NTM: variants seen among roughly 807,000 people sequenced by gnomAD.
NTM encodes neurotrimin.
In NTM, 13 loss-of-function variants were observed where a neutral mutation model predicts 42.1. The ratio of observed to expected loss-of-function variants is 0.31; its 90% CI spans 0.20 to 0.49. The LOEUF (loss-of-function observed/expected upper bound fraction) is 0.49, where lower values mean the gene tolerates loss of function less well. NTM is among the 20% of genes least tolerant of loss of function. The probability of loss-of-function intolerance (pLI) is 0.99; values close to 1 mark genes in which losing one functional copy is unlikely to be tolerated. For missense variants in NTM, 373 were observed against 452.8 expected (o/e 0.82, Z 1.60); for synonymous variants, 187 against 179.2 (o/e 1.04, Z -0.35).
At chr11:132,104,932 CATATGTATATATATATATAT>C (rs1186755241) in intron 2 of NTM, among the ~76,000 whole-genome samples, 1 of 15,850 alleles carries the variant, frequency 6.3e-5, no homozygotes, top group Non-Finnish European at 1.2e-4. Flanking sequence ...TCCATATATA[CATATGTATATATATATATAT>C]ATATATATAT....
intron 1 of NTM, among the ~76,000 whole-genome samples, chr11:131,821,431 T>C (rs1394917326): frequency 1.3e-5 from 2 of 152,210 alleles, no homozygotes; most frequent in Non-Finnish European, 2.9e-5. Context: ...CCATGGTTGC[T>C]TCAGCAAGTC....
chr11:131,497,996 T>A (rs10082599), intron 1 of NTM, among the ~76,000 whole-genome samples: 121,161 of 152,134 alleles, frequency 0.8, 48,511 homozygotes, highest in Non-Finnish European at 0.84. Context: ...GAGGAAAGAC[T>A]CAGCAGTAGG....
chr11:131,780,709 C>G (rs1047690557), intron 1 of NTM, among the ~76,000 whole-genome samples: 1 of 152,062 alleles, frequency 6.6e-6, no homozygotes. Flanking sequence ...TATGAAAACA[C>G]AAAAATATGT....
chr11:132,300,131 T>C (rs141447632), intron 4 of NTM, among the ~76,000 whole-genome samples: 38 of 152,268 alleles, frequency 2.5e-4, no homozygotes, highest in African/African-American at 8.7e-4. Context: ...GTGAATCCTT[T>C]GTAAGATTTA....
At chr11:131,630,672 C>G (rs958453391) in intron 1 of NTM, among the ~76,000 whole-genome samples, 1 of 152,298 alleles carries the variant, frequency 6.6e-6, no homozygotes, top group Non-Finnish European at 1.5e-5. Flanking sequence ...CCGATAGGCT[C>G]TTTTAGAAAC....
At chr11:131,888,058 T>C (rs1406027938) in intron 1 of NTM, among the ~76,000 whole-genome samples, 1 of 152,206 alleles carries the variant, frequency 6.6e-6, no homozygotes, top group African/African-American at 2.4e-5. Context: ...AAGAATATTT[T>C]ACGAGGCCAA....
chr11:131,374,574 G>C (rs973696840), intron 1 of NTM, among the ~76,000 whole-genome samples: 4 of 152,152 alleles, frequency 2.6e-5, no homozygotes, highest in Admixed American at 2.6e-4. Flanking sequence ...GGCGTCCTGC[G>C]TAGTGTCTTC....
chr11:131,395,533 G>C (rs532955107), intron 1 of NTM, among the ~76,000 whole-genome samples: 17 of 152,112 alleles, frequency 1.1e-4, no homozygotes, highest in Admixed American at 5.9e-4. Flanking sequence ...TTAAGCAGGA[G>C]AACTCCTGTG....
chr11:131,915,337 C>A (rs2056118587), intron 2 of NTM, among the ~76,000 whole-genome samples: 1 of 152,300 alleles, frequency 6.6e-6, no homozygotes, highest in Middle Eastern at 3.4e-3. Flanking sequence ...TTGGCTTAGA[C>A]CCTGTTTTCC....
At chr11:131,805,087 G>A (rs1004918829) in intron 1 of NTM, among the ~76,000 whole-genome samples, 8 of 152,158 alleles carry the variant, frequency 5.3e-5, no homozygotes, top group African/African-American at 1.7e-4. Context: ...TGTTAAATAA[G>A]TACAAATAGA....
At chr11:131,752,072 C>T (rs2082626933) in intron 1 of NTM, among the ~76,000 whole-genome samples, 1 of 152,166 alleles carries the variant, frequency 6.6e-6, no homozygotes, top group African/African-American at 2.4e-5. Context: ...CCATTGCACA[C>T]CTATGATAAT....
intron 2 of NTM, among the ~76,000 whole-genome samples, chr11:132,052,142 G>C (rs999595330): frequency 1.4e-4 from 22 of 152,152 alleles, no homozygotes; most frequent in Non-Finnish European, 2.2e-4. Flanking sequence ...ATATGTGACT[G>C]GTTTAGAAAA....
chr11:131,557,966 A>G (rs370350344), intron 1 of NTM, among the ~76,000 whole-genome samples: 5 of 152,292 alleles, frequency 3.3e-5, no homozygotes, highest in African/African-American at 1.2e-4. Flanking sequence ...GAAAAGAAAA[A>G]CAGTTACCTA....
chr11:131,407,594 A>G (rs1033897954), intron 1 of NTM, among the ~76,000 whole-genome samples: 2 of 152,220 alleles, frequency 1.3e-5, no homozygotes, highest in African/African-American at 4.8e-5. Context: ...AAGTGGGGAC[A>G]AAAGGCTTCC....
chr11:132,011,372 A>G (rs1018623557), intron 2 of NTM, among the ~76,000 whole-genome samples: 4 of 152,208 alleles, frequency 2.6e-5, no homozygotes, highest in Non-Finnish European at 1.5e-5. Flanking sequence ...CTGGAATGAA[A>G]GGGTTCATGC....
intron 4 of NTM, among the ~76,000 whole-genome samples, chr11:132,229,469 T>G (rs568225711): frequency 5.3e-5 from 8 of 152,362 alleles, no homozygotes; most frequent in African/African-American, 1.7e-4. Flanking sequence ...TATCACCTTC[T>G]TTTTGGCTAG....
intron 2 of NTM, among the ~76,000 whole-genome samples, chr11:132,033,594 G>GAATT (rs1410981462): frequency 3.9e-5 from 6 of 152,160 alleles, no homozygotes; most frequent in Non-Finnish European, 5.9e-5. Context: ...ACCTGTTTAG[G>GAATT]AATTGCTCGT....
intron 1 of NTM, among the ~76,000 whole-genome samples, chr11:131,834,935 T>C (rs892106668): frequency 6.6e-6 from 1 of 150,448 alleles, no homozygotes; most frequent in Non-Finnish European, 1.5e-5. Context: ...GCTAAAATCC[T>C]CAGAGAGAGG....
At chr11:131,979,211 C>T (rs1310751656) in intron 2 of NTM, among the ~76,000 whole-genome samples, 2 of 152,150 alleles carry the variant, frequency 1.3e-5, no homozygotes, top group Non-Finnish European at 2.9e-5. Context: ...GTCAAGGTTA[C>T]CCAGTCAAAC....
Sources: gnomAD v4.1 joint callset for allele counts (sites outside exome capture counted in the v4.1 genomes callset) on GRCh38, gnomAD v4.1.1 for gene constraint, MANE v1.5 for transcripts, NCBI Gene and HGNC (gene_info 2026-07-23, HGNC 2026-07-21) for gene names.